The following KIF3C variants were observed in gnomAD, a reference collection of about 807,000 sequenced individuals.
KIF3C encodes the protein kinesin-like protein KIF3C.
KIF3C carries 12 observed loss-of-function variants against 67.7 expected under a neutral mutation model. The observed-to-expected ratio is 0.18, with a 90% CI of 0.11 to 0.29. KIF3C has a LOEUF of 0.29. Among genes scored for constraint, KIF3C ranks in the 10% least tolerant of loss-of-function variants. The probability of loss-of-function intolerance (pLI) is 1.00; values close to 1 mark genes in which losing one functional copy is unlikely to be tolerated. For synonymous variants in KIF3C, 393 were observed against 426.2 expected, an observed-to-expected ratio of 0.92 and a Z score of 0.96; for missense variants, 789 against 1,059.6, an observed-to-expected ratio of 0.74 and a Z score of 3.55.
chr2:25,929,281 G>A (rs1380750112), intron 7 of KIF3C, 24 bp downstream of exon 7: 1 of 1,608,948 alleles, frequency 6.2e-7, no homozygotes, highest in Non-Finnish European at 8.5e-7. Flanking sequence ...GTCCAGTGCT[G>A]CCTGGGACCA....
chr2:25,945,383 T>C (rs1663404439), intron 5 of KIF3C, among the ~76,000 whole-genome samples: 1 of 151,090 alleles, frequency 6.6e-6, no homozygotes, highest in Non-Finnish European at 1.5e-5. Flanking sequence ...TCAATAATTC[T>C]TGGTCTGGGT....
rs1664526473 is a variant in KIF3C, at chr2:25,980,175, G to A, written c.1545+198C>T. ...TGTCCACGTTGCTTCGTGTGTGTGT[G>A]CCTGTGCATGTACCTGGCAGCCCGG... is the stretch of plus-strand genomic sequence containing the variant. On this transcript the variant is annotated intron_variant, in intron 1 of 7. Coordinates refer to ENST00000264712, the MANE Select transcript of KIF3C (RefSeq NM_002254.8). This position sits in a 1 kb window ranked among gnomAD's most constrained non-coding sequence, Gnocchi z 7.6. Among the ~76,000 whole-genome samples the A allele has an allele frequency of 6.6e-6, 1 of 152,194 alleles. No individual in the cohort carries two copies. Among genetic ancestry groups the A allele is most frequent in the South Asian group, 2.1e-4 (1 of 4,830 alleles).
chr2:25,968,300 T>C (rs1288248328), intron 1 of KIF3C, among the ~76,000 whole-genome samples: 1 of 152,162 alleles, frequency 6.6e-6, no homozygotes, highest in Non-Finnish European at 1.5e-5. Context: ...GGAATTTCCT[T>C]ATCAAGAAGA....
intron 5 of KIF3C, among the ~76,000 whole-genome samples, chr2:25,941,241 C>G (rs1171898307): frequency 2.0e-5 from 3 of 151,978 alleles, no homozygotes; most frequent in Non-Finnish European, 4.4e-5. Flanking sequence ...AAGGTCAAGG[C>G]TGTAGTGAGC....
At chr2:25,969,378 T>G (rs866341146) in intron 1 of KIF3C, among the ~76,000 whole-genome samples, 5 of 152,264 alleles carry the variant, frequency 3.3e-5, no homozygotes, top group Middle Eastern at 3.4e-3. Context: ...TAATTTTTGT[T>G]TAATTTTTTA....
chr2:25,951,765 C>G, intron 5 of KIF3C, 24 bp downstream of exon 5: 1 of 1,541,392 alleles, frequency 6.5e-7, no homozygotes, highest in Non-Finnish European at 9.0e-7. Flanking sequence ...TCCCCCAGCC[C>G]AGACAGCTGG....
rs1663780577 is a variant in KIF3C at position 25,955,406 on chromosome 2, C to A, written c.1770+135G>T. 5 of 1,126,824 alleles carry A rather than the reference C, an allele frequency of 4.4e-6. No individual in the cohort carries two copies. Among genetic ancestry groups the A allele is most frequent in the Non-Finnish European group, 6.4e-6 (5 of 778,256 alleles). 69.8% of individuals were successfully genotyped at this position (1,126,824 alleles called of 1,614,324 possible). On this transcript the variant is annotated intron_variant, in intron 3 of 7. Transcript: ENST00000264712. The surrounding 1 kb of genome is among the most constrained non-coding windows in gnomAD (Gnocchi z 5.0). ...CTCCTGCCTCCCCCTGTTGCTCACC[C>A]CCGAGGCCAAGCCATGTCACTCAGG... is the stretch of plus-strand genomic sequence containing the variant.
rs113135786 is a variant in KIF3C at position 25,936,725 on chromosome 2, A to G, written c.2007-6662T>C. 1.3e-3 allele frequency among the ~76,000 whole-genome samples: 198 copies of G among 152,306 alleles called. 1 individual carries two copies. The highest frequency in any genetic ancestry group is 4.5e-3 in the African/African-American group (185 of 41,570). On this transcript the variant is annotated intron_variant, in intron 5 of 7. Transcript: ENST00000264712. ...ATATTGTCAATTGCTTTTCAAAGTGATTACACTTATGGAAGTTTCCATTGG... is the reference window on the plus strand; with the variant it reads ...ATATTGTCAATTGCTTTTCAAAGTGGTTACACTTATGGAAGTTTCCATTGG...
chr2:25,970,007 C>A (rs531462379), intron 1 of KIF3C, among the ~76,000 whole-genome samples: 1 of 152,344 alleles, frequency 6.6e-6, no homozygotes, highest in South Asian at 2.1e-4. Flanking sequence ...TGAGCCACTG[C>A]ACCCGGCCAA....
intron 1 of KIF3C, among the ~76,000 whole-genome samples, chr2:25,962,873 T>TATATATA (rs1559555213): frequency 1.3e-4 from 9 of 68,014 alleles, no homozygotes; most frequent in Admixed American, 5.3e-4. Flanking sequence ...ATATATATAA[T>TATATATA]ATATAAAATA....
At chr2:25,961,040 C>T (rs988027174) in intron 1 of KIF3C, among the ~76,000 whole-genome samples, 1 of 152,230 alleles carries the variant, frequency 6.6e-6, no homozygotes, top group Non-Finnish European at 1.5e-5. Context: ...GTGGTGACTC[C>T]TTTAGGAAGC....
chr2:25,955,554 T>C lies in KIF3C; in HGVS notation c.1757A>G (p.Lys586Arg). 6.2e-7 allele frequency: 1 copy of C among 1,614,052 alleles called. No homozygotes were observed. Reference protein sequence around the residue: ...SLQQEVEVKTKKLKKLYAKLQ... With the variant: ...SLQQEVEVKTRKLKKLYAKLQ... ...GCAGCGTCTCACCTTCTTGAGTTTC[T>C]TGGTTTTGACCTCCACCTCCTGCTG... The change falls in exon 3 of 8, where the codon AAG becomes AGG. Residue 586 changes from lysine to arginine, a missense_variant. Physicochemically the swap from Lys to Arg is conservative, Grantham distance 26 (BLOSUM62 2). Transcript: ENST00000264712. This position sits in a 1 kb window ranked among gnomAD's most constrained non-coding sequence, Gnocchi z 5.0.
intron 1 of KIF3C, among the ~76,000 whole-genome samples, chr2:25,967,907 G>C (rs533753040): frequency 6.6e-6 from 1 of 152,288 alleles, no homozygotes; most frequent in South Asian, 2.1e-4. Flanking sequence ...GTTGGTAAGT[G>C]ATAAATTACA....
intron 5 of KIF3C, chr2:25,951,523 G>A (rs1008297943): frequency 4.9e-6 from 2 of 410,386 alleles, no homozygotes; most frequent in Non-Finnish European, 4.5e-6. Context: ...AGGCTGAGAT[G>A]CTCTTCCTCC....
chr2:25,972,702 T>G (rs1005695172), intron 1 of KIF3C, among the ~76,000 whole-genome samples: 1 of 152,198 alleles, frequency 6.6e-6, no homozygotes, highest in African/African-American at 2.4e-5. Flanking sequence ...ATAGCCCTAT[T>G]TGAAGACTAA....
At chr2:25,962,907 TATATAATATATATA>T (rs1664008342) in intron 1 of KIF3C, among the ~76,000 whole-genome samples, 4 of 54,854 alleles carry the variant, frequency 7.3e-5, no homozygotes, top group East Asian at 5.1e-3. Flanking sequence ...ATATATATAA[TATATAATATATATA>T]ATATATAATA....
At chr2:25,944,632 T>G (rs1574482854) in intron 5 of KIF3C, among the ~76,000 whole-genome samples, 1 of 151,908 alleles carries the variant, frequency 6.6e-6, no homozygotes, top group Non-Finnish European at 1.5e-5. Flanking sequence ...ATTACAGGCA[T>G]GAGCCACTGT....
chr2:25,935,924 C>CAA (rs761356982), intron 5 of KIF3C, among the ~76,000 whole-genome samples: 1 of 136,524 alleles, frequency 7.3e-6, no homozygotes, highest in African/African-American at 2.7e-5. Flanking sequence ...AAAAAAAATA[C>CAA]AAAAAAAAAA....
chr2:25,931,166 C>T (rs529225116), intron 5 of KIF3C, among the ~76,000 whole-genome samples: 1 of 152,150 alleles, frequency 6.6e-6, no homozygotes, highest in East Asian at 1.9e-4. Context: ...GGTCTTAAAA[C>T]GTATCCCCTG....
Sources: gnomAD v4.1 joint callset for allele counts (sites outside exome capture counted in the v4.1 genomes callset) on GRCh38, gnomAD v4.1.1 for gene constraint, Gnocchi (gnomAD v3.1) non-coding constraint, MANE v1.5 for transcripts, NCBI Gene and HGNC (gene_info 2026-07-23, HGNC 2026-07-21) for gene names.